The following TRIM2 variants were observed in gnomAD, a reference collection of about 807,000 sequenced individuals.
TRIM2 encodes tripartite motif-containing protein 2.
TRIM2 carries 20 observed loss-of-function variants against 75.2 expected under a neutral mutation model. The observed-to-expected ratio is 0.27, with a 90% CI of 0.19 to 0.39. The LOEUF (loss-of-function observed/expected upper bound fraction) is 0.39. TRIM2 is among the 10% of genes least tolerant of loss of function. The pLI is 1.00. For synonymous variants in TRIM2, 373 were observed against 388.3 expected (o/e 0.96, Z 0.46); for missense variants, 660 against 990.8 (o/e 0.67, Z 4.48).
intron 2 of TRIM2, among the ~76,000 whole-genome samples, chr4:153,274,232 T>A (rs1299631488): frequency 6.6e-6 from 1 of 152,172 alleles, no homozygotes; most frequent in African/African-American, 2.4e-5. Flanking sequence ...GGATAATTGT[T>A]AGAGGGTACA....
At chr4:153,317,833 G>A (rs1313770666) in intron 8 of TRIM2, among the ~76,000 whole-genome samples, 2 of 151,998 alleles carry the variant, frequency 1.3e-5, no homozygotes, top group Non-Finnish European at 2.9e-5. Flanking sequence ...GGTTGCACAG[G>A]CCTGTAGTCC....
chr4:153,303,549 C>T (rs1464135993), intron 6 of TRIM2, among the ~76,000 whole-genome samples: 9 of 151,428 alleles, frequency 5.9e-5, no homozygotes, highest in Admixed American at 1.3e-4. Flanking sequence ...GATAACAGAA[C>T]ATTTATGAAT....
intron 1 of TRIM2, among the ~76,000 whole-genome samples, chr4:153,231,497 A>C (rs72965036): frequency 3.5e-4 from 53 of 152,280 alleles, no homozygotes; most frequent in African/African-American, 1.2e-3. Context: ...GTGGAGAGTC[A>C]TTTTCCAGAC....
intron 1 of TRIM2, among the ~76,000 whole-genome samples, chr4:153,187,670 C>G (rs1332691455): frequency 6.6e-6 from 1 of 152,176 alleles, no homozygotes; most frequent in African/African-American, 2.4e-5. Context: ...GTCACAGAGC[C>G]TCGCCCAGGT....
chr4:153,159,294 A>ATTTT (rs1319360300), intron 1 of TRIM2, among the ~76,000 whole-genome samples: 5 of 104,296 alleles, frequency 4.8e-5, no homozygotes, highest in African/African-American at 1.6e-4. Flanking sequence ...TTTTTACAAA[A>ATTTT]TCTTTTTTTT....
chr4:153,239,351 CAAAA>C (rs370599567), intron 1 of TRIM2, among the ~76,000 whole-genome samples: 6 of 107,426 alleles, frequency 5.6e-5, no homozygotes, highest in Admixed American at 3.0e-4. Flanking sequence ...GACTCCGTCT[CAAAA>C]AAAAAAAAAA....
intron 1 of TRIM2, among the ~76,000 whole-genome samples, chr4:153,193,206 C>A (rs1733398974): frequency 6.7e-6 from 1 of 149,852 alleles, no homozygotes; most frequent in South Asian, 2.1e-4. Flanking sequence ...ATCTCAGCTC[C>A]CTGCAAGCTC....
intron 1 of TRIM2, among the ~76,000 whole-genome samples, chr4:153,266,726 T>A (rs1273559256): frequency 2.7e-5 from 4 of 150,170 alleles, no homozygotes; most frequent in African/African-American, 9.8e-5. Flanking sequence ...GCTCAAGTGA[T>A]CTGTTCACCC....
In TRIM2 at chr4:153,257,542, T is replaced by C. The variant is rs1053158593; in HGVS notation, c.31-12793T>C. On this transcript the variant is annotated intron_variant, in intron 1 of 11. Transcript: ENST00000338700. ...TTTTTCTCTTCCTCTGTTCTGTGCA[T>C]GAACTGGCACATCACTACTTAGAGC... The C allele has an allele frequency of 3.1e-6, 4 of 1,289,666 alleles. No homozygotes were observed. The African/African-American group carries it at 6.1e-5, about 20-fold the overall frequency. The allele number at this position is 1,289,666 out of a possible 1,614,324, so 79.9% of individuals were successfully genotyped here.
intron 6 of TRIM2, among the ~76,000 whole-genome samples, chr4:153,299,897 T>C (rs756710812): frequency 2.0e-5 from 3 of 152,136 alleles, no homozygotes; most frequent in Admixed American, 6.5e-5. Context: ...CCCTAGCCAA[T>C]AGGTGAACAA....
chr4:153,305,708 C>T (rs1267628665), intron 6 of TRIM2, among the ~76,000 whole-genome samples: 1 of 152,220 alleles, frequency 6.6e-6, no homozygotes, highest in East Asian at 1.9e-4. Context: ...GAACTCACCC[C>T]TCCAAAATGG....
At chr4:153,195,860 G>T (rs1345906143) in intron 1 of TRIM2, among the ~76,000 whole-genome samples, 1 of 152,104 alleles carries the variant, frequency 6.6e-6, no homozygotes, top group Non-Finnish European at 1.5e-5. Flanking sequence ...CGCCCAGGCT[G>T]GAGTGCAGTG....
At chr4:153,233,507 T>C (rs1389866473) in intron 1 of TRIM2, among the ~76,000 whole-genome samples, 1 of 152,224 alleles carries the variant, frequency 6.6e-6, no homozygotes, top group Non-Finnish European at 1.5e-5. Flanking sequence ...ACTGTTGAGA[T>C]AGGACCAATT....
chr4:153,335,804 A>C lies in TRIM2; in HGVS notation c.*838A>C. On this transcript the variant is annotated 3_prime_UTR_variant, in exon 12 of 12. Coordinates refer to ENST00000338700, the MANE Select transcript of TRIM2 (RefSeq NM_015271.5). ...GAAAGTTAGTCATGTTTTATGTACCATGTTTTCACACGTGTCTCTTCTCTT... is the reference window on the plus strand; with the variant it reads ...GAAAGTTAGTCATGTTTTATGTACCCTGTTTTCACACGTGTCTCTTCTCTT... 1.0e-6 allele frequency: 1 copy of C among 985,880 alleles called. No individual in the cohort carries two copies. The allele number at this position is 985,880 out of a possible 1,614,324, so 61.1% of individuals were successfully genotyped here. A position where few individuals can be genotyped will look rare whatever the true frequency, so the allele number is the denominator to read the frequency against.
At chr4:153,259,551 G>C (rs1445208608) in intron 1 of TRIM2, among the ~76,000 whole-genome samples, 1 of 152,152 alleles carries the variant, frequency 6.6e-6, no homozygotes, top group Non-Finnish European at 1.5e-5. Context: ...TAAAAAATGT[G>C]CTGCCAAATT....
chr4:153,198,684 T>C (rs1734017740), intron 1 of TRIM2, among the ~76,000 whole-genome samples: 1 of 152,238 alleles, frequency 6.6e-6, no homozygotes. Flanking sequence ...GTGTATATCA[T>C]TTTTTTAAAA....
At chr4:153,193,188 G>T (rs1461638433) in intron 1 of TRIM2, among the ~76,000 whole-genome samples, 2 of 138,400 alleles carry the variant, frequency 1.4e-5, no homozygotes. Context: ...CTGGAATGAA[G>T]TGTCGCGATC....
chr4:153,310,975 C>T (rs1038729651), intron 6 of TRIM2, among the ~76,000 whole-genome samples: 1 of 152,192 alleles, frequency 6.6e-6, no homozygotes, highest in Non-Finnish European at 1.5e-5. Context: ...GTCATGGAAC[C>T]TCTTTCCAGC....
chr4:153,199,466 A>G (rs570189999), upstream of TRIM2, among the ~76,000 whole-genome samples: 2 of 152,370 alleles, frequency 1.3e-5, no homozygotes, highest in Admixed American at 1.3e-4. Context: ...GATATCTATT[A>G]GTACTATAAC....
Sources: allele counts gnomAD v4.1 joint callset (sites outside exome capture counted in the v4.1 genomes callset), GRCh38; gene constraint gnomAD v4.1.1; transcripts MANE v1.5; gene names NCBI Gene and HGNC (gene_info 2026-07-23, HGNC 2026-07-21).